The following NTM variants were observed in gnomAD, a reference collection of about 807,000 sequenced individuals.
NTM encodes IgLON family member 2.
Under a neutral mutation model 42.1 loss-of-function variants are expected in NTM, and 13 were observed. The observed-to-expected ratio is 0.31, with a 90% confidence interval of 0.20 to 0.49. The LOEUF is 0.49. NTM is among the 20% of genes least tolerant of loss of function. The pLI is 0.99. For synonymous variants in NTM, 187 were observed against 179.2 expected (o/e 1.04, Z -0.35); for missense variants, 373 against 452.8 (o/e 0.82, Z 1.60).
Position 132,146,176 on chromosome 11 carries a change from G to C in NTM, c.168-106G>C. The C allele has an allele frequency of 6.7e-7, 1 of 1,485,704 alleles. No individual in the cohort carries two copies. The highest frequency in any genetic ancestry group is 1.3e-5 in the South Asian group (1 of 74,098). 92.0% of individuals were successfully genotyped at this position (1,485,704 alleles called of 1,614,324 possible). A position where few individuals can be genotyped will look rare whatever the true frequency, so the allele number is the denominator to read the frequency against. ...AAATCAAAGGAAATGTATGTGTTGG[G>C]GGAAGGGAGAAAGACAAGATATTCT... On this transcript the variant is annotated intron_variant, in intron 2 of 8. Transcript: ENST00000683400. The surrounding 1 kb of genome is among the most constrained non-coding windows in gnomAD (Gnocchi z 4.5).
At chr11:131,463,049 G>A in intron 1 of NTM, among the ~76,000 whole-genome samples, 1 of 152,210 alleles carries the variant, frequency 6.6e-6, no homozygotes, top group South Asian at 2.1e-4. Flanking sequence ...GCAATTGCCG[G>A]CCCTTTAGAG....
intron 1 of NTM, among the ~76,000 whole-genome samples, chr11:131,890,882 G>C (rs1034048830): frequency 6.6e-6 from 1 of 152,112 alleles, no homozygotes; most frequent in African/African-American, 2.4e-5. Context: ...CAGGTCTAGG[G>C]GATTTGTCAG....
At chr11:131,716,475 C>T (rs1012783484) in intron 1 of NTM, among the ~76,000 whole-genome samples, 2 of 152,158 alleles carry the variant, frequency 1.3e-5, no homozygotes, top group African/African-American at 4.8e-5. Context: ...TACCATTTTT[C>T]ATTCCCACCA....
At chr11:131,906,861 T>C (rs889853054) in intron 1 of NTM, among the ~76,000 whole-genome samples, 11 of 152,206 alleles carry the variant, frequency 7.2e-5, no homozygotes, top group African/African-American at 2.7e-4. Flanking sequence ...CTTTGCTCTT[T>C]CTGCTGAAAT....
chr11:131,774,911 TC>T (rs1376808937), intron 1 of NTM, among the ~76,000 whole-genome samples: 1 of 152,182 alleles, frequency 6.6e-6, no homozygotes, highest in Non-Finnish European at 1.5e-5. Flanking sequence ...GTGCACAAGC[TC>T]CTTTCCCCTT....
chr11:131,988,878 C>A (rs921469452), intron 2 of NTM, among the ~76,000 whole-genome samples: 1 of 152,094 alleles, frequency 6.6e-6, no homozygotes. Flanking sequence ...TGTTATATTT[C>A]TTTATTTTAA....
At chr11:132,046,186 CGTGAA>C (rs1278934398) in intron 2 of NTM, among the ~76,000 whole-genome samples, 1 of 152,082 alleles carries the variant, frequency 6.6e-6, no homozygotes, top group African/African-American at 2.4e-5. Context: ...AAGTAATATG[CGTGAA>C]GTGCTCAGCA....
chr11:131,702,862 C>T lies in NTM; in HGVS notation c.83-208702C>T, dbSNP rs190067674. Among the ~76,000 whole-genome samples the T allele has an allele frequency of 7.0e-3, 1,061 of 152,246 alleles. 12 individuals are homozygous for T. The highest frequency in any genetic ancestry group is 0.024 in the African/African-American group (1,000 of 41,544). The stretch of plus-strand genomic sequence containing the variant: ...TTTCACAAAGCTGCAATAATATAAA[C>T]GGTGAGTTTTAGGCATAAGAGTTGA... On this transcript the variant is annotated intron_variant, in intron 1 of 8. Transcript: ENST00000683400.
intron 4 of NTM, among the ~76,000 whole-genome samples, chr11:132,278,140 C>T (rs993616894): frequency 2.0e-5 from 3 of 152,222 alleles, no homozygotes; most frequent in Non-Finnish European, 4.4e-5. Flanking sequence ...TCCTTTACAG[C>T]CTACCCAATA....
intron 3 of NTM, among the ~76,000 whole-genome samples, chr11:132,188,475 T>C (rs2078785875): frequency 6.6e-6 from 1 of 152,106 alleles, no homozygotes; most frequent in Non-Finnish European, 1.5e-5. Context: ...GCTCACATCT[T>C]CAGAAAGGAA....
intron 3 of NTM, among the ~76,000 whole-genome samples, chr11:132,168,933 T>A (rs1332383144): frequency 6.6e-6 from 1 of 152,148 alleles, no homozygotes; most frequent in African/African-American, 2.4e-5. Flanking sequence ...GGGATTCAGG[T>A]TGTAGTGCAA....
rs560904018 is a variant in NTM, at chr11:131,752,979, T to G, written c.83-158585T>G. ...ACCTACAAAATGGGAGAAAATTTTC[T>G]CAACCTACCCATCTGACAAAGGGCT... On this transcript the variant is annotated intron_variant, in intron 1 of 8. Coordinates refer to ENST00000683400, the MANE Select transcript of NTM (RefSeq NM_001352005.2). Among the ~76,000 whole-genome samples the G allele has an allele frequency of 1.8e-4, 28 of 152,154 alleles. No homozygotes were observed. The South Asian group carries it at 4.6e-3, about 25-fold the overall frequency.
At chr11:132,252,796 G>A (rs993195387) in intron 4 of NTM, among the ~76,000 whole-genome samples, 3 of 152,112 alleles carry the variant, frequency 2.0e-5, no homozygotes, top group African/African-American at 7.2e-5. Context: ...GTCTCTGAAA[G>A]GTTAATGGGT....
intron 3 of NTM, among the ~76,000 whole-genome samples, chr11:132,163,361 A>T (rs749003144): frequency 2.4e-4 from 36 of 152,222 alleles, no homozygotes; most frequent in Non-Finnish European, 4.8e-4. Context: ...GAACTTTTAG[A>T]GGCAACTGTA....
In NTM at chr11:131,913,332, A is replaced by ATT. The variant is rs35832003; in HGVS notation, c.167+1693_167+1694dup. On this transcript the variant is annotated intron_variant, in intron 2 of 8. Transcript: ENST00000683400. Reference sequence around the variant, plus strand: ...GGGGAACATTTTAGATATAAATGGGATTTTTTTTTTCAAGGAAAAGGTGTA... The same window carrying ATT: ...GGGGAACATTTTAGATATAAATGGGATTTTTTTTTTTTCAAGGAAAAGGTGTA... Among the ~76,000 whole-genome samples, 19 of 150,686 alleles carry ATT rather than the reference A, an allele frequency of 1.3e-4. No homozygotes were observed. The South Asian group carries it at 2.3e-3, about 18-fold the overall frequency.
At chr11:131,655,051 C>A (rs989629726) in intron 1 of NTM, among the ~76,000 whole-genome samples, 3 of 152,180 alleles carry the variant, frequency 2.0e-5, no homozygotes, top group Non-Finnish European at 4.4e-5. Context: ...CGCCACTCCG[C>A]CGGTCCTCGG....
rs143914792 is a variant in NTM, at chr11:132,163,056, T to C, written c.400+16542T>C. Reference sequence around the variant, plus strand: ...AAAGTTCCAATTACTAGAAGTGTGATGGCCACTCCACCAGCCACCTGGAGC... The same window carrying C: ...AAAGTTCCAATTACTAGAAGTGTGACGGCCACTCCACCAGCCACCTGGAGC... On this transcript the variant is annotated intron_variant, in intron 3 of 8. Transcript: ENST00000683400. Among the ~76,000 whole-genome samples, 756 of 152,278 alleles carry C rather than the reference T, an allele frequency of 5.0e-3. 1 individual carries two copies. Among genetic ancestry groups the C allele is most frequent in the South Asian group, 9.1e-3 (44 of 4,816 alleles).
intron 1 of NTM, among the ~76,000 whole-genome samples, chr11:131,474,610 T>C (rs1297426704): frequency 2.0e-5 from 3 of 152,158 alleles, no homozygotes; most frequent in Admixed American, 6.5e-5. Flanking sequence ...TCTTGATTTG[T>C]AGCATCTCCA....
In NTM at chr11:131,789,482, AAGAAGAAGAGG is replaced by A. The variant is rs1279979928; in HGVS notation, c.83-122080_83-122070del. Reference sequence around the variant, plus strand: ...GAAGAAGAAGAAGAAGAAGAAGAAGAAGAAGAAGAGGAAAGAAGAAGAAGAAGAAGAAGAAG... The same window carrying A: ...GAAGAAGAAGAAGAAGAAGAAGAAGAAAAGAAGAAGAAGAAGAAGAAGAAG... On this transcript the variant is annotated intron_variant, in intron 1 of 8. Transcript: ENST00000683400. 3.5e-4 allele frequency among the ~76,000 whole-genome samples: 4 copies of A among 11,414 alleles called. 1 individual carries two copies. Among genetic ancestry groups the A allele is most frequent in the African/African-American group, 9.5e-4 (3 of 3,172 alleles). 7.5% of individuals were successfully genotyped at this position (11,414 alleles called of 152,430 possible). A position where few individuals can be genotyped will look rare whatever the true frequency, so the allele number is the denominator to read the frequency against.
Sources: gnomAD v4.1 joint callset for allele counts (sites outside exome capture counted in the v4.1 genomes callset) on GRCh38, gnomAD v4.1.1 for gene constraint, Gnocchi (gnomAD v3.1) non-coding constraint, MANE v1.5 for transcripts, NCBI Gene and HGNC (gene_info 2026-07-23, HGNC 2026-07-21) for gene names.